Variants in SPMIP4 observed in about 807,000 individuals in gnomAD.
The protein encoded by SPMIP4 is sperm microtubule inner protein 4, also known as sperm-associated microtubule inner protein 4.
At chr7:25,136,396 G>A in the SPMIP4 span, 1 of 1,614,160 alleles carries the variant, frequency 6.2e-7, no homozygotes, top group East Asian at 2.2e-5. This position sits in a 1 kb window ranked among gnomAD's most constrained non-coding sequence, Gnocchi z 5.7. Flanking sequence ...TGTGGGTTGG[G>A]TTTTTAGTGA....
the SPMIP4 span, among the ~76,000 whole-genome samples, chr7:25,165,464 T>C: frequency 6.6e-6 from 1 of 151,924 alleles, no homozygotes; most frequent in Admixed American, 6.6e-5. Context: ...TGCTTTTTTG[T>C]TTTTTTTAGA....
the SPMIP4 span, chr7:25,136,888 C>T: frequency 8.2e-7 from 1 of 1,219,582 alleles, no homozygotes; most frequent in Non-Finnish European, 1.2e-6. This position sits in a 1 kb window ranked among gnomAD's most constrained non-coding sequence, Gnocchi z 5.7. Flanking sequence ...TGTCTGAGTA[C>T]ACGAGATGGG....
the SPMIP4 span, among the ~76,000 whole-genome samples, chr7:25,170,099 T>C: frequency 4.6e-5 from 7 of 152,224 alleles, no homozygotes; most frequent in African/African-American, 1.4e-4. Flanking sequence ...GTTTAACTTG[T>C]TGAGGAACTG....
the SPMIP4 span, among the ~76,000 whole-genome samples, chr7:25,130,716 G>A: frequency 6.6e-6 from 1 of 152,128 alleles, no homozygotes; most frequent in Non-Finnish European, 1.5e-5. Context: ...TTTGGTTCCT[G>A]AACAAGTAGG....
the SPMIP4 span, among the ~76,000 whole-genome samples, chr7:25,147,071 G>A: frequency 6.6e-6 from 1 of 152,194 alleles, no homozygotes; most frequent in Non-Finnish European, 1.5e-5. Flanking sequence ...CGAGGAGGGA[G>A]GATCACTTGA....
the SPMIP4 span, among the ~76,000 whole-genome samples, chr7:25,151,089 CT>C: frequency 4.6e-5 from 7 of 151,300 alleles, no homozygotes; most frequent in South Asian, 6.3e-4. Context: ...TGGGGGCAAT[CT>C]TTTTTTTTGG....
chr7:25,142,158 A>G, the SPMIP4 span: 2 of 970,500 alleles, frequency 2.1e-6, no homozygotes, highest in South Asian at 2.9e-5. Flanking sequence ...GGTTGCTAAA[A>G]CCCAGGACAC....
At chr7:25,144,350 C>T in the SPMIP4 span, among the ~76,000 whole-genome samples, 2 of 152,242 alleles carry the variant, frequency 1.3e-5, no homozygotes, top group Non-Finnish European at 1.5e-5. Context: ...TCGAGTTCTG[C>T]ACTGGGACAG....
chr7:25,161,846 T>TG, the SPMIP4 span, among the ~76,000 whole-genome samples: 21 of 149,230 alleles, frequency 1.4e-4, no homozygotes, highest in African/African-American at 4.9e-4. Flanking sequence ...CTAAAGTATT[T>TG]GGGGAAAAAC....
At chr7:25,126,040 G>T in the SPMIP4 span, 2 of 601,994 alleles carry the variant, frequency 3.3e-6, no homozygotes, top group East Asian at 1.6e-4. Context: ...ATTTTTATGA[G>T]TACGAAGTAG....
the SPMIP4 span, among the ~76,000 whole-genome samples, chr7:25,144,343 A>T: frequency 6.6e-6 from 1 of 152,228 alleles, no homozygotes; most frequent in Non-Finnish European, 1.5e-5. Context: ...GACTACTTCG[A>T]GTTCTGCACT....
the SPMIP4 span, chr7:25,168,234 G>A: frequency 1.3e-6 from 2 of 1,502,282 alleles, no homozygotes; most frequent in East Asian, 4.8e-5. Flanking sequence ...CACAATGGAA[G>A]TAAAGAAAAA....
At chr7:25,148,955 T>C in the SPMIP4 span, among the ~76,000 whole-genome samples, 20 of 152,340 alleles carry the variant, frequency 1.3e-4, no homozygotes, top group Non-Finnish European at 2.1e-4. Context: ...AAGTGACCTA[T>C]AGAAAACAGA....
chr7:25,167,246 G>A, the SPMIP4 span, among the ~76,000 whole-genome samples: 2 of 152,042 alleles, frequency 1.3e-5, no homozygotes, highest in Non-Finnish European at 2.9e-5. Flanking sequence ...CAGATGAAAA[G>A]AACTTGGGTG....
the SPMIP4 span, among the ~76,000 whole-genome samples, chr7:25,149,023 C>A: frequency 3.9e-5 from 6 of 152,146 alleles, no homozygotes; most frequent in African/African-American, 1.4e-4. Flanking sequence ...TATTTGAACA[C>A]GGTTTGAACA....
At chr7:25,127,017 C>T in the SPMIP4 span, among the ~76,000 whole-genome samples, 2 of 152,172 alleles carry the variant, frequency 1.3e-5, no homozygotes, top group East Asian at 3.8e-4. Flanking sequence ...CACTCCCTCC[C>T]GGCCTGTAAA....
the SPMIP4 span, chr7:25,161,211 CACT>C: frequency 1.3e-6 from 2 of 1,560,724 alleles, no homozygotes; most frequent in Non-Finnish European, 1.7e-6. Flanking sequence ...CCATAGACAT[CACT>C]TTTTTTGTTC....
the SPMIP4 span, among the ~76,000 whole-genome samples, chr7:25,166,128 A>AGT: frequency 6.6e-6 from 1 of 152,028 alleles, no homozygotes; most frequent in Non-Finnish European, 1.5e-5. Context: ...CAGTCCTGGG[A>AGT]GTGAGTCTGG....
the SPMIP4 span, among the ~76,000 whole-genome samples, chr7:25,164,186 A>G: frequency 6.6e-6 from 1 of 152,140 alleles, no homozygotes; most frequent in Non-Finnish European, 1.5e-5. Flanking sequence ...TGTTATACTT[A>G]TGGTTACACT....
Sources: allele counts gnomAD v4.1 joint callset (sites outside exome capture counted in the v4.1 genomes callset), GRCh38; gene constraint gnomAD v4.1.1; non-coding constraint Gnocchi (gnomAD v3.1); transcripts MANE v1.5; gene names NCBI Gene and HGNC (gene_info 2026-07-23, HGNC 2026-07-21).